The following DGKB variants were observed in gnomAD, a reference collection of about 807,000 sequenced individuals.
DGKB encodes the protein diacylglycerol kinase beta.
A neutral mutation model predicts 114.3 loss-of-function variants in DGKB; 67 were observed. The observed-to-expected ratio is 0.59, with a 90% CI of 0.48 to 0.72. The LOEUF (loss-of-function observed/expected upper bound fraction) is 0.72, where lower values mean the gene tolerates loss of function less well. Among genes scored for constraint, DGKB ranks in the 30% least tolerant of loss-of-function variants. The probability of loss-of-function intolerance (pLI) is 0.00; values close to 1 mark genes in which losing one functional copy is unlikely to be tolerated. For synonymous variants in DGKB, 398 were observed against 323.1 expected (o/e 1.23, Z -2.49); for missense variants, 907 against 975.2 (o/e 0.93, Z 0.93).
Position 14,479,003 on chromosome 7 carries a change from G to C in DGKB, c.1771-778C>G, listed in dbSNP as rs117729838. Among the ~76,000 whole-genome samples the C allele has an allele frequency of 8.3e-3, 1,260 of 152,152 alleles. 128 individuals are homozygous for C. In the East Asian group the frequency reaches 0.22, roughly 26 times the overall value. On this transcript the variant is annotated intron_variant, in intron 20 of 25. Coordinates refer to ENST00000402815, the MANE Select transcript of DGKB (RefSeq NM_001350709.2). ...AAATACTGCTATCCAAGCTTTTCAA[G>C]CACGGACTGCTCCAACTGACTCTAA... is the stretch of plus-strand genomic sequence containing the variant.
At chr7:14,207,343 T>C (rs1295912975) in intron 23 of DGKB, among the ~76,000 whole-genome samples, 2 of 152,002 alleles carry the variant, frequency 1.3e-5, no homozygotes, top group African/African-American at 4.8e-5. Context: ...TGGTGTGAGA[T>C]GTTTGGAATG....
intron 21 of DGKB, among the ~76,000 whole-genome samples, chr7:14,351,442 T>C (rs892796187): frequency 6.6e-6 from 1 of 152,154 alleles, no homozygotes; most frequent in Non-Finnish European, 1.5e-5. Flanking sequence ...GAGCCCTAGG[T>C]CAGTGCAGAG....
chr7:14,348,259 G>A (rs536738173), intron 21 of DGKB, among the ~76,000 whole-genome samples: 20 of 151,466 alleles, frequency 1.3e-4, no homozygotes, highest in Non-Finnish European at 2.5e-4. Flanking sequence ...CATATAATAA[G>A]CAAATTTTGG....
intron 23 of DGKB, among the ~76,000 whole-genome samples, chr7:14,217,031 G>A (rs949056450): frequency 6.6e-6 from 1 of 152,094 alleles, no homozygotes; most frequent in East Asian, 1.9e-4. Context: ...CTAGGATCTT[G>A]TTTCATCTCA....
chr7:14,458,820 C>T (rs73280366), intron 21 of DGKB, among the ~76,000 whole-genome samples: 6 of 152,174 alleles, frequency 3.9e-5, no homozygotes, highest in African/African-American at 1.4e-4. Context: ...TGTTTTCATA[C>T]CCTGGTGGCG....
intron 19 of DGKB, among the ~76,000 whole-genome samples, chr7:14,576,245 G>A (rs1034131121): frequency 2.6e-5 from 4 of 151,872 alleles, no homozygotes; most frequent in Non-Finnish European, 4.4e-5. Context: ...TGTACTCAGT[G>A]GCAAAACACT....
chr7:14,474,854 C>CTCAAT (rs1781939732), intron 21 of DGKB, among the ~76,000 whole-genome samples: 1 of 150,948 alleles, frequency 6.6e-6, no homozygotes, highest in South Asian at 2.1e-4. Flanking sequence ...GTCTAAAGGA[C>CTCAAT]TGGAAGTTTT....
chr7:14,460,351 C>G (rs1563230158), intron 21 of DGKB, among the ~76,000 whole-genome samples: 1 of 151,750 alleles, frequency 6.6e-6, no homozygotes, highest in Non-Finnish European at 1.5e-5. Flanking sequence ...ATTCAGGAGA[C>G]CCACCTCACA....
At chr7:14,715,625 G>C (rs867980054) in intron 6 of DGKB, among the ~76,000 whole-genome samples, 2 of 152,164 alleles carry the variant, frequency 1.3e-5, no homozygotes. Flanking sequence ...AAGGTCCTCA[G>C]AGAGAAGAAT....
chr7:14,509,065 C>T (rs1787568373), intron 20 of DGKB, among the ~76,000 whole-genome samples: 1 of 152,156 alleles, frequency 6.6e-6, no homozygotes. Context: ...ATTTAGTACA[C>T]ATGACATTTG....
chr7:14,275,379 A>T (rs918658291), intron 23 of DGKB, among the ~76,000 whole-genome samples: 1 of 152,216 alleles, frequency 6.6e-6, no homozygotes, highest in Non-Finnish European at 1.5e-5. Context: ...TCTTTTCACC[A>T]AGAATGAAAC....
At chr7:14,392,995 G>GTTTTTGTTCTTTTTTTTTTTTT in intron 21 of DGKB, among the ~76,000 whole-genome samples, 1 of 60,546 alleles carries the variant, frequency 1.7e-5, no homozygotes, top group Non-Finnish European at 3.4e-5. Flanking sequence ...TTTTGTTTTT[G>GTTTTTGTTCTTTTTTTTTTTTT]TTTTTTTTTT....
intron 23 of DGKB, among the ~76,000 whole-genome samples, chr7:14,251,323 A>T (rs1452603348): frequency 2.7e-5 from 4 of 148,580 alleles, no homozygotes; most frequent in Admixed American, 2.7e-4. Flanking sequence ...GGGATGATTT[A>T]AAATATCTTA....
Position 14,720,473 on chromosome 7 carries a change from T to TG in DGKB, c.323-1789_323-1788insC, listed in dbSNP as rs1564008723. ...GTGCGGGACACCACGCCCGGCTGAT[T>TG]TGTGTGTGTGTGTGTGTGTGTGTGT... On this transcript the variant is annotated intron_variant, in intron 5 of 25. Transcript: ENST00000402815. 2.1e-3 allele frequency among the ~76,000 whole-genome samples: 287 copies of TG among 136,558 alleles called. 2 individuals carry two copies. The highest frequency in any genetic ancestry group is 0.017 in the South Asian group (69 of 4,178). The allele number at this position is 136,558 out of a possible 152,430, so 89.6% of individuals were successfully genotyped here.
At chr7:14,606,722 TTAAC>T (rs950429892) in intron 17 of DGKB, among the ~76,000 whole-genome samples, 17 of 152,066 alleles carry the variant, frequency 1.1e-4, no homozygotes, top group African/African-American at 3.4e-4. Flanking sequence ...CATTAATTAT[TTAAC>T]TAAGCCAAAT....
At chr7:14,730,633 G>A (rs79802163) in intron 5 of DGKB, among the ~76,000 whole-genome samples, 5 of 152,120 alleles carry the variant, frequency 3.3e-5, no homozygotes, top group Admixed American at 6.5e-5. Flanking sequence ...TATAGCCTAC[G>A]TGACATGGTG....
At chr7:14,761,317 T>G (rs1586293816) in intron 2 of DGKB, among the ~76,000 whole-genome samples, 1 of 152,296 alleles carries the variant, frequency 6.6e-6, no homozygotes, top group Middle Eastern at 3.4e-3. Flanking sequence ...TCAACAGCAT[T>G]GTTTTTACAT....
At chr7:14,413,241 C>T (rs1180843302) in intron 21 of DGKB, among the ~76,000 whole-genome samples, 1 of 151,926 alleles carries the variant, frequency 6.6e-6, no homozygotes, top group African/African-American at 2.4e-5. Context: ...CCAGATGGGG[C>T]CAGGCACAGA....
At chr7:14,578,499 G>A (rs1189929142) in intron 19 of DGKB, among the ~76,000 whole-genome samples, 2 of 152,050 alleles carry the variant, frequency 1.3e-5, no homozygotes, top group African/African-American at 2.4e-5. Context: ...ATAATCTCTA[G>A]CAAATGGCTT....
Sources: gnomAD v4.1 joint callset for allele counts (sites outside exome capture counted in the v4.1 genomes callset) on GRCh38, gnomAD v4.1.1 for gene constraint, MANE v1.5 for transcripts, NCBI Gene and HGNC (gene_info 2026-07-23, HGNC 2026-07-21) for gene names.